The following SRFBP1 variants were observed in gnomAD, a reference collection of about 807,000 sequenced individuals.
The protein encoded by SRFBP1 is serum response factor binding protein 1.
In SRFBP1, 47 loss-of-function variants were observed where a neutral mutation model predicts 45.5. The observed-to-expected ratio is 1.03, with a 90% confidence interval of 0.82 to 1.32. The LOEUF is 1.32. Ranked by LOEUF, SRFBP1 falls within the 40% of genes most tolerant of loss-of-function variation. The pLI is 0.00. For missense variants in SRFBP1, 621 were observed against 484.6 expected (o/e 1.28, Z -2.64); for synonymous variants, 203 against 166.3 (o/e 1.22, Z -1.70).
intron 2 of SRFBP1, chr5:122,074,167 T>G (rs149104138): frequency 6.2e-7 from 1 of 1,611,238 alleles, no homozygotes; most frequent in Non-Finnish European, 8.5e-7. Flanking sequence ...ACTGTGGTAA[T>G]GTCTGATGTC....
chr5:122,027,023 T>TGCA lies in SRFBP1; in HGVS notation c.1190_1192dup (p.Gln397dup), dbSNP rs757863699. On this transcript the variant is annotated inframe_insertion, in exon 8 of 8. Transcript: ENST00000339397. ...AGACTTGAAAATACAAAACAGCAAT[T>TGCA]GCAGCTGCCTCTTCATCCTTCATGG... is the stretch of plus-strand genomic sequence containing the variant. 3 of 1,612,578 alleles carry TGCA rather than the reference T, an allele frequency of 1.9e-6. No homozygotes were observed. The highest frequency in any genetic ancestry group is 2.5e-6 in the Non-Finnish European group (3 of 1,179,498).
At chr5:122,033,905 C>T (rs1027960998) in intron 2 of SRFBP1, among the ~76,000 whole-genome samples, 1 of 148,608 alleles carries the variant, frequency 6.7e-6, no homozygotes, top group Non-Finnish European at 1.5e-5. Flanking sequence ...CTCACTGCAG[C>T]CTCTGCCTCC....
At chr5:121,974,982 T>A (rs562626015) in intron 2 of SRFBP1, among the ~76,000 whole-genome samples, 1 of 152,026 alleles carries the variant, frequency 6.6e-6, no homozygotes, top group East Asian at 1.9e-4. Context: ...TAATTGTAAA[T>A]TATGACATTT....
At chr5:121,972,117 T>A (rs1008144422) in intron 1 of SRFBP1, among the ~76,000 whole-genome samples, 2 of 151,830 alleles carry the variant, frequency 1.3e-5, no homozygotes, top group African/African-American at 4.8e-5. Context: ...GGGAAACAAA[T>A]GCATTAAAAG....
intron 4 of SRFBP1, among the ~76,000 whole-genome samples, chr5:122,000,902 A>G (rs1288769280): frequency 6.6e-6 from 1 of 152,154 alleles, no homozygotes. Flanking sequence ...TGGGTTATCT[A>G]GAGTGTAACC....
At chr5:121,973,632 T>C (rs1473970614) in intron 1 of SRFBP1, among the ~76,000 whole-genome samples, 1 of 150,832 alleles carries the variant, frequency 6.6e-6, no homozygotes, top group African/African-American at 2.4e-5. Flanking sequence ...GGGGCATGTA[T>C]GTTTACATGC....
intron 2 of SRFBP1, among the ~76,000 whole-genome samples, chr5:122,055,636 T>C (rs1439569553): frequency 6.6e-6 from 1 of 152,192 alleles, no homozygotes; most frequent in Non-Finnish European, 1.5e-5. Context: ...AAGACATATT[T>C]AGTAAAATCT....
intron 4 of SRFBP1, among the ~76,000 whole-genome samples, chr5:122,004,653 C>G (rs1293344904): frequency 6.6e-6 from 1 of 152,064 alleles, no homozygotes; most frequent in East Asian, 1.9e-4. Flanking sequence ...TCACGTCTCT[C>G]TCATCTGTTT....
intron 4 of SRFBP1, among the ~76,000 whole-genome samples, chr5:122,011,437 G>A (rs529281868): frequency 3.9e-5 from 6 of 152,188 alleles, no homozygotes; most frequent in Non-Finnish European, 7.4e-5. Context: ...CATACCTCCC[G>A]ATATTGGGAA....
chr5:122,069,429 T>C (rs2152586689), intron 2 of SRFBP1, among the ~76,000 whole-genome samples: 1 of 152,262 alleles, frequency 6.6e-6, no homozygotes, highest in East Asian at 1.9e-4. Context: ...CCAACCTTTT[T>C]TCATTATTTT....
At position 122,020,455 on chromosome 5, in the gene SRFBP1, T is replaced by A. The variant is rs1462404282; in HGVS notation, c.720T>A (p.Asp240Glu). 3 of 1,613,956 alleles carry A rather than the reference T, an allele frequency of 1.9e-6. No homozygotes were observed. The highest frequency in any genetic ancestry group is 2.7e-5 in the African/African-American group (2 of 74,916). Residue 240 changes from aspartate to glutamate, a missense_variant, in exon 6 of 8, where the codon GAT becomes GAA. Transcript: ENST00000339397. ...AAACCAAAAAAAACAAAGGATCTGA[T>A]AGCTCACTCTCTGGTAACAGTGATG... is the stretch of plus-strand genomic sequence containing the variant. Reference protein sequence around the residue: ...LSQTKKNKGSDSSLSGNSDGG... With the variant: ...LSQTKKNKGSESSLSGNSDGG...
At chr5:122,067,803 C>T (rs564723323) in intron 2 of SRFBP1, among the ~76,000 whole-genome samples, 1 of 152,168 alleles carries the variant, frequency 6.6e-6, no homozygotes, top group South Asian at 2.1e-4. Flanking sequence ...CGTTGACTTG[C>T]CCTGGGCTTC....
chr5:122,015,767 G>A (rs1367834025), intron 4 of SRFBP1, among the ~76,000 whole-genome samples: 1 of 151,674 alleles, frequency 6.6e-6, no homozygotes, highest in African/African-American at 2.4e-5. Flanking sequence ...TGCTTCAATT[G>A]CAGTTAGTTC....
chr5:122,036,396 A>C (rs538898395), intron 2 of SRFBP1, among the ~76,000 whole-genome samples: 2 of 152,282 alleles, frequency 1.3e-5, no homozygotes, highest in Admixed American at 6.5e-5. Flanking sequence ...AACATTTTGC[A>C]CAAGTTGTCA....
chr5:122,036,343 A>G (rs1365860859), intron 2 of SRFBP1, among the ~76,000 whole-genome samples: 1 of 152,084 alleles, frequency 6.6e-6, no homozygotes, highest in African/African-American at 2.4e-5. Context: ...CCCCCCCATT[A>G]AAAACCATAG....
At chr5:122,056,783 A>G (rs1315421615) in intron 2 of SRFBP1, among the ~76,000 whole-genome samples, 1 of 152,220 alleles carries the variant, frequency 6.6e-6, no homozygotes, top group Non-Finnish European at 1.5e-5. Flanking sequence ...AAAGGAATCA[A>G]GCACCTTCAG....
chr5:122,000,402 T>C (rs1351363086), intron 4 of SRFBP1, among the ~76,000 whole-genome samples: 1 of 152,134 alleles, frequency 6.6e-6, no homozygotes, highest in Non-Finnish European at 1.5e-5. Context: ...CTTTATTTCC[T>C]TGTTTAAATC....
At chr5:121,987,765 C>T (rs1752545637) in intron 3 of SRFBP1, among the ~76,000 whole-genome samples, 1 of 152,142 alleles carries the variant, frequency 6.6e-6, no homozygotes, top group Admixed American at 6.6e-5. Context: ...ATAAGATTCT[C>T]TTGAAATTAA....
intron 6 of SRFBP1, among the ~76,000 whole-genome samples, chr5:122,022,055 ATTCT>A (rs1180144574): frequency 6.6e-6 from 1 of 152,064 alleles, no homozygotes; most frequent in Admixed American, 6.6e-5. Flanking sequence ...GACTTTAGAA[ATTCT>A]TTATATAGAT....
Sources: gnomAD v4.1 joint callset for allele counts (sites outside exome capture counted in the v4.1 genomes callset) on GRCh38, gnomAD v4.1.1 for gene constraint, MANE v1.5 for transcripts, NCBI Gene and HGNC (gene_info 2026-07-23, HGNC 2026-07-21) for gene names.